The following ABCD3 variants were observed in gnomAD, a reference collection of about 807,000 sequenced individuals.
ABCD3 encodes the protein ATP binding cassette subfamily D member 3, also known as ATP-binding cassette sub-family D member 3.
Under a neutral mutation model 105.5 loss-of-function variants are expected in ABCD3, and 41 were observed. The ratio of observed to expected loss-of-function variants is 0.39; its 90% CI spans 0.30 to 0.50. ABCD3 has a LOEUF of 0.50. Ranked by LOEUF, ABCD3 falls within the 20% of genes least tolerant of loss-of-function variation. The pLI is 0.84. For synonymous variants in ABCD3, 258 were observed against 269.0 expected (o/e 0.96, Z 0.40); for missense variants, 622 against 806.3 (o/e 0.77, Z 2.77).
the ABCD3 span, among the ~76,000 whole-genome samples, chr1:94,399,057 T>C: frequency 6.6e-6 from 1 of 152,038 alleles, no homozygotes; most frequent in Non-Finnish European, 1.5e-5. Flanking sequence ...TGTACTCATA[T>C]GTAGTAGCAT....
intron 21 of ABCD3, among the ~76,000 whole-genome samples, chr1:94,506,855 G>T (rs1237654022): frequency 6.6e-6 from 1 of 151,710 alleles, no homozygotes; most frequent in Non-Finnish European, 1.5e-5. Flanking sequence ...ATGGGAAATA[G>T]ATTTAAATAT....
chr1:94,396,194 G>A, the ABCD3 span, among the ~76,000 whole-genome samples: 1 of 152,136 alleles, frequency 6.6e-6, no homozygotes, highest in South Asian at 2.1e-4. Flanking sequence ...TACTAGCTGT[G>A]TGAGCTTGGG....
chr1:94,475,827 T>G, intron 7 of ABCD3, 90 bp downstream of exon 7: 1 of 996,962 alleles, frequency 1.0e-6, no homozygotes, highest in Non-Finnish European at 1.5e-6. Context: ...TTTGTGGACA[T>G]AACAGCAGCA....
chr1:94,437,826 T>C (rs537094003), intron 1 of ABCD3, among the ~76,000 whole-genome samples: 17 of 152,158 alleles, frequency 1.1e-4, no homozygotes, highest in Admixed American at 7.2e-4. Flanking sequence ...TAGAAGAAGG[T>C]CAGAATATCC....
the ABCD3 span, among the ~76,000 whole-genome samples, chr1:94,400,919 A>G: frequency 6.6e-6 from 1 of 152,132 alleles, no homozygotes; most frequent in Non-Finnish European, 1.5e-5. Flanking sequence ...GCTCTCTTGA[A>G]TGACCAATCT....
At chr1:94,447,354 G>A (rs1225034447) in intron 1 of ABCD3, among the ~76,000 whole-genome samples, 1 of 152,200 alleles carries the variant, frequency 6.6e-6, no homozygotes, top group African/African-American at 2.4e-5. Context: ...GAGCATGGGA[G>A]CATTGCAGCC....
rs71094302 is a variant in ABCD3, at chr1:94,496,694, G to GTTT, written c.1387-1881_1387-1879dup. Reference sequence around the variant, plus strand: ...CTTCAGTAAAATCAGCCTTGTTTCTGTTTTTTTTTTTTTTTTTTTTTTTTT... The same window carrying GTTT: ...CTTCAGTAAAATCAGCCTTGTTTCTGTTTTTTTTTTTTTTTTTTTTTTTTTTTT... On this transcript the variant is annotated intron_variant, in intron 16 of 22. Transcript: ENST00000370214. Among the ~76,000 whole-genome samples the GTTT allele has an allele frequency of 1.5e-3, 59 of 39,372 alleles. 7 individuals carry two copies. Among genetic ancestry groups the GTTT allele is most frequent in the African/African-American group, 2.4e-3 (22 of 9,158 alleles). 25.8% of individuals were successfully genotyped at this position (39,372 alleles called of 152,430 possible). A position where few individuals can be genotyped will look rare whatever the true frequency, so the allele number is the denominator to read the frequency against.
chr1:94,511,226 T>G (rs1450951271), intron 21 of ABCD3, among the ~76,000 whole-genome samples: 9 of 152,272 alleles, frequency 5.9e-5, no homozygotes, highest in Middle Eastern at 3.4e-3. Flanking sequence ...GTCTGTAAAG[T>G]ATTTTATTTC....
chr1:94,452,419 G>GTT (rs933932562), intron 1 of ABCD3, among the ~76,000 whole-genome samples: 1 of 152,222 alleles, frequency 6.6e-6, no homozygotes, highest in Non-Finnish European at 1.5e-5. Flanking sequence ...GTTTCACATA[G>GTT]TTTAACCTGA....
intron 1 of ABCD3, among the ~76,000 whole-genome samples, chr1:94,451,968 T>TA (rs1647282685): frequency 6.6e-6 from 1 of 152,232 alleles, no homozygotes; most frequent in Non-Finnish European, 1.5e-5. Flanking sequence ...TCATTTCTAG[T>TA]AATTTTCATG....
At chr1:94,391,536 T>C in the ABCD3 span, among the ~76,000 whole-genome samples, 1 of 152,160 alleles carries the variant, frequency 6.6e-6, no homozygotes, top group African/African-American at 2.4e-5. Context: ...CCCTTGATAC[T>C]AGGAATCTCA....
At chr1:94,503,002 C>T (rs1245508063) in intron 20 of ABCD3, among the ~76,000 whole-genome samples, 1 of 152,120 alleles carries the variant, frequency 6.6e-6, no homozygotes, top group Non-Finnish European at 1.5e-5. Flanking sequence ...TTGAATGCAA[C>T]CTAACACAAA....
At chr1:94,388,823 G>T in the ABCD3 span, among the ~76,000 whole-genome samples, 13 of 152,226 alleles carry the variant, frequency 8.5e-5, no homozygotes, top group Non-Finnish European at 1.8e-4. Context: ...GAGTAAAATA[G>T]GGAAGGAAAA....
At chr1:94,487,218 G>A (rs191536621) in intron 10 of ABCD3, among the ~76,000 whole-genome samples, 1 of 152,202 alleles carries the variant, frequency 6.6e-6, no homozygotes, top group East Asian at 1.9e-4. Context: ...GTCCTCTTTT[G>A]GGATATGTGT....
chr1:94,517,566 C>A lies in ABCD3; in HGVS notation c.*437C>A. On this transcript the variant is annotated 3_prime_UTR_variant, in exon 23 of 23. Coordinates refer to ENST00000370214, the MANE Select transcript of ABCD3 (RefSeq NM_002858.4). ...TAGTCTTCAGTTTCATTTTCCTGTG[C>A]CCTGTGGTAGTTGGAAACAAATCAT... 1 of 192,016 alleles carries A rather than the reference C, an allele frequency of 5.2e-6. No homozygotes were observed. Among genetic ancestry groups the A allele is most frequent in the South Asian group, 9.5e-5 (1 of 10,580 alleles). The allele number at this position is 192,016 out of a possible 1,614,324, so 11.9% of individuals were successfully genotyped here. A position where few individuals can be genotyped will look rare whatever the true frequency, so the allele number is the denominator to read the frequency against.
chr1:94,418,235 G>C (rs1287924397), upstream of ABCD3, among the ~76,000 whole-genome samples: 1 of 152,180 alleles, frequency 6.6e-6, no homozygotes, highest in Non-Finnish European at 1.5e-5. Flanking sequence ...GTCCGCGCGT[G>C]CGCAGAGCGC....
chr1:94,511,491 A>C (rs1048864530), intron 21 of ABCD3, among the ~76,000 whole-genome samples: 1 of 151,902 alleles, frequency 6.6e-6, no homozygotes, highest in African/African-American at 2.4e-5. Context: ...CTTCTCGAGG[A>C]GTATCTTTGT....
At chr1:94,428,081 T>TG (rs1196492930) in intron 1 of ABCD3, among the ~76,000 whole-genome samples, 2 of 151,946 alleles carry the variant, frequency 1.3e-5, no homozygotes, top group African/African-American at 2.4e-5. Context: ...TTTGTTTTTT[T>TG]TTTTATTTTT....
chr1:94,503,664 A>G (rs926461609), intron 20 of ABCD3, among the ~76,000 whole-genome samples: 7 of 152,080 alleles, frequency 4.6e-5, no homozygotes, highest in Non-Finnish European at 1.0e-4. Context: ...CATAGTCTAT[A>G]CTTGCTGCCT....
Sources: gnomAD v4.1 joint callset for allele counts (sites outside exome capture counted in the v4.1 genomes callset) on GRCh38, gnomAD v4.1.1 for gene constraint, MANE v1.5 for transcripts, NCBI Gene and HGNC (gene_info 2026-07-23, HGNC 2026-07-21) for gene names.